GNAI3: variants seen among roughly 807,000 people sequenced by gnomAD.
GNAI3 encodes guanine nucleotide-binding protein G(i) subunit alpha-3.
GNAI3 carries 12 observed loss-of-function variants against 41.8 expected under a neutral mutation model. The observed-to-expected ratio is 0.29, with a 90% CI of 0.18 to 0.47. GNAI3 has a LOEUF of 0.47. GNAI3 is among the 20% of genes least tolerant of loss of function. The pLI is 1.00. For synonymous variants in GNAI3, 132 were observed against 146.5 expected (o/e 0.90, Z 0.71); for missense variants, 360 against 429.6 (o/e 0.84, Z 1.43).
At position 109,594,216 on chromosome 1, in the gene GNAI3, T is replaced by G. The variant is rs1649239353; in HGVS notation, c.*1894T>G. ...TCATTTTGAATATACCTTTTCCTTA[T>G]TGTATTCTGTAATATAGGATCCTGG... On this transcript the variant is annotated 3_prime_UTR_variant, in exon 9 of 9. Coordinates refer to ENST00000369851, the MANE Select transcript of GNAI3 (RefSeq NM_006496.4). 1 of 152,280 alleles carries G rather than the reference T, an allele frequency of 6.6e-6. No homozygotes were observed. The highest frequency in any genetic ancestry group is 2.4e-5 in the African/African-American group (1 of 41,452). 9.4% of individuals were successfully genotyped at this position (152,280 alleles called of 1,614,324 possible).
chr1:109,581,843 C>T (rs972451628), intron 4 of GNAI3, among the ~76,000 whole-genome samples: 2 of 151,916 alleles, frequency 1.3e-5, no homozygotes, highest in African/African-American at 4.8e-5. Context: ...GAGCCGAGTT[C>T]GCACCACTGC....
At position 109,596,542 on chromosome 1, in the gene GNAI3, C is replaced by G. The variant is rs1409400854; in HGVS notation, c.*4220C>G. 2.0e-5 allele frequency: 3 copies of G among 152,226 alleles called. No individual in the cohort carries two copies. The highest frequency in any genetic ancestry group is 7.2e-5 in the African/African-American group (3 of 41,428). The allele number at this position is 152,226 out of a possible 1,614,324, so 9.4% of individuals were successfully genotyped here. The stretch of plus-strand genomic sequence containing the variant: ...CTAACTTTTGTATTTCTAGTAGAGA[C>G]AGGGTTTCACCATGTTAGCCAGGCT... On this transcript the variant is annotated 3_prime_UTR_variant, in exon 9 of 9. Coordinates refer to ENST00000369851, the MANE Select transcript of GNAI3 (RefSeq NM_006496.4).
chr1:109,566,385 C>G (rs1377015731), intron 1 of GNAI3, among the ~76,000 whole-genome samples: 5 of 152,148 alleles, frequency 3.3e-5, no homozygotes, highest in Admixed American at 3.3e-4. Flanking sequence ...TTTGAAGTCA[C>G]CATATTCAGC....
Position 109,579,387 on chromosome 1 carries a change from A to G in GNAI3, c.461+26A>G, listed in dbSNP as rs201081933. Reference sequence around the variant, plus strand: ...GTAAGTAATTTTTCTCTGTGAAACTATAACAGAGAATAACTTGGTGACACT... The same window carrying G: ...GTAAGTAATTTTTCTCTGTGAAACTGTAACAGAGAATAACTTGGTGACACT... On this transcript the variant is annotated intron_variant, in intron 4 of 8. Coordinates refer to ENST00000369851, the MANE Select transcript of GNAI3 (RefSeq NM_006496.4). The G allele has an allele frequency of 7.5e-5, 116 of 1,540,070 alleles. No individual in the cohort carries two copies. In the Middle Eastern group the frequency reaches 1.0e-3, roughly 14 times the overall value.
At chr1:109,554,149 G>C (rs1005853082) in intron 1 of GNAI3, among the ~76,000 whole-genome samples, 1 of 151,964 alleles carries the variant, frequency 6.6e-6, no homozygotes. Flanking sequence ...CATTTGGGCT[G>C]GTTCCATATT....
At chr1:109,588,822 G>A (rs918398408) in intron 7 of GNAI3, among the ~76,000 whole-genome samples, 23 of 152,142 alleles carry the variant, frequency 1.5e-4, no homozygotes, top group Admixed American at 2.6e-4. Flanking sequence ...GAACCCGGGA[G>A]GCGGAGGTTG....
At chr1:109,587,247 C>G (rs1649052144) in intron 7 of GNAI3, among the ~76,000 whole-genome samples, 1 of 152,002 alleles carries the variant, frequency 6.6e-6, no homozygotes, top group Non-Finnish European at 1.5e-5. Flanking sequence ...GTGACACCCC[C>G]CTGCCTCACA....
chr1:109,557,969 G>C (rs900204472), intron 1 of GNAI3, among the ~76,000 whole-genome samples: 1 of 152,180 alleles, frequency 6.6e-6, no homozygotes, highest in Non-Finnish European at 1.5e-5. Context: ...CTGACACCTA[G>C]TAGGCACTCA....
chr1:109,555,959 C>CGTGTGTGT (rs1290978144), intron 1 of GNAI3, among the ~76,000 whole-genome samples: 1 of 96,786 alleles, frequency 1.0e-5, no homozygotes, highest in African/African-American at 4.8e-5. Context: ...GGAGTGCGTG[C>CGTGTGTGT]GTGCGTGTGT....
intron 1 of GNAI3, among the ~76,000 whole-genome samples, chr1:109,572,520 A>G (rs901603496): frequency 6.6e-6 from 1 of 152,136 alleles, no homozygotes; most frequent in African/African-American, 2.4e-5. Flanking sequence ...CTTGAGAAGT[A>G]GTTTTATTAG....
chr1:109,570,982 C>G (rs1480112848), intron 1 of GNAI3, among the ~76,000 whole-genome samples: 1 of 152,156 alleles, frequency 6.6e-6, no homozygotes, highest in South Asian at 2.1e-4. Context: ...TGTTCAGGAA[C>G]AAACTGTTAA....
intron 5 of GNAI3, among the ~76,000 whole-genome samples, chr1:109,583,067 G>T (rs1648934940): frequency 6.6e-6 from 1 of 152,104 alleles, no homozygotes. Flanking sequence ...AGCAAGTATT[G>T]TCATGGCTCT....
At chr1:109,588,224 C>G (rs1649082741) in intron 7 of GNAI3, among the ~76,000 whole-genome samples, 1 of 151,220 alleles carries the variant, frequency 6.6e-6, no homozygotes, top group African/African-American at 2.4e-5. Flanking sequence ...ACTAAAAATA[C>G]AAAAAAAATT....
At position 109,599,037 on chromosome 1, in the gene GNAI3, G is replaced by T. The variant is rs745654682; in HGVS notation, c.*6715G>T. The T allele has an allele frequency of 1.9e-6, 1 of 515,252 alleles. No homozygotes were observed. Among genetic ancestry groups the T allele is most frequent in the South Asian group, 1.4e-5 (1 of 70,458 alleles). The allele number at this position is 515,252 out of a possible 1,614,324, so 31.9% of individuals were successfully genotyped here. On this transcript the variant is annotated 3_prime_UTR_variant, in exon 9 of 9. Coordinates refer to ENST00000369851, the MANE Select transcript of GNAI3 (RefSeq NM_006496.4). ...TTGAATGCTGTTATGTCTCACCGTG[G>T]GGATGGGAAGGAATACTCTGTTTTG...
At position 109,566,623 on chromosome 1, in the gene GNAI3, G is replaced by T. The variant is rs142125245; in HGVS notation, c.119-7114G>T. On this transcript the variant is annotated intron_variant, in intron 1 of 8. Transcript: ENST00000369851. Reference sequence around the variant, plus strand: ...GTTGCCCAGGCCGGAGTGCAATGGCGCGGTCTTTGCTCACTGCAACCTCCA... The same window carrying T: ...GTTGCCCAGGCCGGAGTGCAATGGCTCGGTCTTTGCTCACTGCAACCTCCA... Among the ~76,000 whole-genome samples, 140 of 152,172 alleles carry T rather than the reference G, an allele frequency of 9.2e-4. 2 individuals carry two copies. The East Asian group carries it at 0.025, about 27-fold the overall frequency.
chr1:109,582,340 C>A, intron 4 of GNAI3, 97 bp from the exon 5 acceptor site: 1 of 843,008 alleles, frequency 1.2e-6, no homozygotes, highest in Non-Finnish European at 1.9e-6. Context: ...CACTTAATAA[C>A]TAGTAACAGG....
chr1:109,592,113 T>A lies in GNAI3; in HGVS notation c.945T>A (p.Asp315Glu). The A allele has an allele frequency of 6.2e-7, 1 of 1,612,188 alleles. No homozygotes were observed. Among genetic ancestry groups the A allele is most frequent in the Non-Finnish European group, 8.5e-7 (1 of 1,178,272 alleles). ...TTGAAGATCTGAACAGAAGAAAAGA[T>A]ACCAAGGAGATCTATACTCACTTCA... ...CQFEDLNRRK[D>E]TKEIYTHFTC... Residue 315 changes from aspartate to glutamate, a missense_variant, in exon 8 of 9, where the codon GAT becomes GAA. Asp to Glu is a conservative substitution (Grantham distance 45, BLOSUM62 2). Coordinates refer to ENST00000369851, the MANE Select transcript of GNAI3 (RefSeq NM_006496.4).
At position 109,586,315 on chromosome 1, in the gene GNAI3, T is replaced by C. The variant is rs531711016; in HGVS notation, c.690T>C (p.Tyr230=). ...TCTTCTGTGTGGCCCTCAGTGATTATGACCTTGTTCTGGCTGAGGACGAGG... is the reference window on the plus strand; with the variant it reads ...TCTTCTGTGTGGCCCTCAGTGATTACGACCTTGTTCTGGCTGAGGACGAGG... ...AIIFCVALSD[Y]DLVLAEDEEM... is the part of the protein sequence containing the mutation. The change falls in exon 6 of 9, where the codon TAT becomes TAC. Residue 230 remains tyrosine, a synonymous_variant. Transcript: ENST00000369851. 1 of 1,613,328 alleles carries C rather than the reference T, an allele frequency of 6.2e-7. No homozygotes were observed. Among genetic ancestry groups the C allele is most frequent in the Admixed American group, 1.7e-5 (1 of 59,918 alleles).
chr1:109,590,668 C>A (rs1379779232), intron 7 of GNAI3, among the ~76,000 whole-genome samples: 1 of 151,864 alleles, frequency 6.6e-6, no homozygotes, highest in Non-Finnish European at 1.5e-5. Flanking sequence ...CTCCACCTCC[C>A]AGATTCAAGT....
Sources: gnomAD v4.1 joint callset for allele counts (sites outside exome capture counted in the v4.1 genomes callset) on GRCh38, gnomAD v4.1.1 for gene constraint, MANE v1.5 for transcripts, NCBI Gene and HGNC (gene_info 2026-07-23, HGNC 2026-07-21) for gene names.